Variants in XPA observed in about 807,000 individuals in gnomAD.
XPA encodes DNA repair protein complementing XP-A cells.
Under a neutral mutation model 35.7 loss-of-function variants are expected in XPA, and 27 were observed. The observed-to-expected ratio is 0.76, with a 90% CI of 0.56 to 1.04. The LOEUF (loss-of-function observed/expected upper bound fraction) is 1.04. Ranked by LOEUF, XPA falls within the 50% of genes least tolerant of loss-of-function variation. The pLI is 0.00. For missense variants in XPA, 354 were observed against 342.7 expected, an observed-to-expected ratio of 1.03 and a Z score of -0.26; for synonymous variants, 133 against 118.4, an observed-to-expected ratio of 1.12 and a Z score of -0.80.
intron 5 of XPA, 85 bp from the exon 6 acceptor site, chr9:97,675,672 G>GT (rs1828340583): frequency 6.8e-7 from 1 of 1,474,700 alleles, no homozygotes; most frequent in Admixed American, 1.7e-5. Context: ...TTTCAGCCAT[G>GT]TACATGTGTG....
At chr9:97,680,083 G>A (rs1048025421) in intron 5 of XPA, among the ~76,000 whole-genome samples, 1 of 152,112 alleles carries the variant, frequency 6.6e-6, no homozygotes, top group Non-Finnish European at 1.5e-5. Context: ...ACCTGGATCC[G>A]ACAAAAAGCT....
chr9:97,692,865 A>G (rs1176966758), intron 2 of XPA, among the ~76,000 whole-genome samples: 1 of 151,902 alleles, frequency 6.6e-6, no homozygotes, highest in Non-Finnish European at 1.5e-5. Flanking sequence ...CCACCCCCCA[A>G]CCCCACCCTG....
chr9:97,691,804 A>G (rs1828896882), intron 2 of XPA, among the ~76,000 whole-genome samples: 1 of 150,070 alleles, frequency 6.7e-6, no homozygotes, highest in African/African-American at 2.4e-5. Flanking sequence ...AATCGCTTGA[A>G]CCCAGGAGGT....
At chr9:97,663,176 A>T in the XPA span, 1 of 686,524 alleles carries the variant, frequency 1.5e-6, no homozygotes, top group Non-Finnish European at 2.5e-6. Context: ...TTTTAGATCT[A>T]ATTCTTTCAG....
the XPA span, among the ~76,000 whole-genome samples, chr9:97,661,864 G>A: frequency 2.0e-5 from 3 of 149,708 alleles, no homozygotes; most frequent in African/African-American, 7.4e-5. Flanking sequence ...AATTACAAGT[G>A]GTTTCATATT....
chr9:97,688,334 C>T (rs1828782366), intron 3 of XPA, among the ~76,000 whole-genome samples: 1 of 152,152 alleles, frequency 6.6e-6, no homozygotes, highest in Admixed American at 6.5e-5. Context: ...TTGCATCACT[C>T]ACTTCTTCAC....
intron 3 of XPA, among the ~76,000 whole-genome samples, chr9:97,687,890 A>G (rs1828771047): frequency 1.3e-5 from 2 of 152,200 alleles, no homozygotes; most frequent in Non-Finnish European, 2.9e-5. Context: ...GAGTGGAGAC[A>G]TAGCCAGCGA....
At chr9:97,662,959 A>G in the XPA span, 1 of 1,610,288 alleles carries the variant, frequency 6.2e-7, no homozygotes, top group Non-Finnish European at 8.5e-7. Context: ...AAAAGGTTTC[A>G]TGAAGTCTTC....
intron 1 of XPA, among the ~76,000 whole-genome samples, chr9:97,695,086 CCGA>C (rs1829002113): frequency 6.6e-6 from 1 of 152,130 alleles, no homozygotes; most frequent in Admixed American, 6.5e-5. Context: ...AGAGTGGACA[CCGA>C]CTAGGAAGGC....
intron 4 of XPA, among the ~76,000 whole-genome samples, chr9:97,685,485 C>T (rs1258451107): frequency 6.6e-6 from 1 of 152,136 alleles, no homozygotes; most frequent in Non-Finnish European, 1.5e-5. Context: ...TTGTCTCTAT[C>T]GACTTGACTT....
At chr9:97,658,517 T>A in the XPA span, 2 of 723,912 alleles carry the variant, frequency 2.8e-6, no homozygotes, top group South Asian at 3.4e-5. Context: ...TTTTTTCCCT[T>A]TCACTTCTTG....
chr9:97,697,134 A>C lies in XPA; in HGVS notation c.159T>G (p.Ala53=). The C allele has an allele frequency of 6.4e-7, 1 of 1,553,328 alleles. No individual in the cohort carries two copies. Among genetic ancestry groups the C allele is most frequent in the Non-Finnish European group, 8.7e-7 (1 of 1,152,014 alleles). ...CGCGGCCCAAACCTCCAGTAGCCGC[A>C]GCCGCCGTCGCCGAGTAGGGCCGGG... ...LAARPYSATA[A]AATGGMANVK... The change falls in exon 1 of 6, where the codon GCT becomes GCG. Residue 53 remains alanine (A), a synonymous_variant. Coordinates refer to ENST00000375128, the MANE Select transcript of XPA (RefSeq NM_000380.4).
At chr9:97,655,014 A>G in the XPA span, 1 of 1,264,660 alleles carries the variant, frequency 7.9e-7, no homozygotes, top group Non-Finnish European at 1.1e-6. Context: ...AAGGAATTTG[A>G]GAAAGACATT....
the XPA span, chr9:97,666,783 T>C: frequency 3.1e-6 from 5 of 1,602,948 alleles, no homozygotes; most frequent in Non-Finnish European, 3.4e-6. Flanking sequence ...TGGGAAATTT[T>C]GCACTCTACA....
the XPA span, among the ~76,000 whole-genome samples, chr9:97,661,620 T>G: frequency 6.6e-6 from 1 of 152,120 alleles, no homozygotes; most frequent in Non-Finnish European, 1.5e-5. Flanking sequence ...TGTTTGGATA[T>G]CTCTAAGAAA....
chr9:97,668,695 T>C, the XPA span: 7 of 739,068 alleles, frequency 9.5e-6, no homozygotes, highest in Admixed American at 2.1e-4. Flanking sequence ...CTTTGAGGTA[T>C]ATATGTGTGG....
Position 97,679,908 on chromosome 9 carries a change from C to T in XPA, c.674-4321G>A, listed in dbSNP as rs2401636. On this transcript the variant is annotated intron_variant, in intron 5 of 5. Transcript: ENST00000375128. The stretch of plus-strand genomic sequence containing the variant: ...TGAAAGTATTCCTACCAAAAACATT[C>T]GACCTGAGTCTAACTGAGGAAACAA... Among the ~76,000 whole-genome samples, 1,502 of 152,236 alleles carry T rather than the reference C, an allele frequency of 9.9e-3. 11 individuals are homozygous for T. Among genetic ancestry groups the T allele is most frequent in the Non-Finnish European group, 0.015 (1,041 of 68,006 alleles).
At chr9:97,693,818 G>C in intron 1 of XPA, 59 bp from the exon 2 acceptor site, 1 of 1,480,642 alleles carries the variant, frequency 6.8e-7, no homozygotes, top group Non-Finnish European at 9.4e-7. Flanking sequence ...ATGTTACCTT[G>C]TTCATAAATA....
chr9:97,673,358 A>G (rs761778277), downstream of XPA: 5 of 152,182 alleles, frequency 3.3e-5, no homozygotes, highest in African/African-American at 1.2e-4. Context: ...CCTTTAAGGG[A>G]TTGGTAACTT....
Sources: allele counts gnomAD v4.1 joint callset (sites outside exome capture counted in the v4.1 genomes callset), GRCh38; gene constraint gnomAD v4.1.1; transcripts MANE v1.5; gene names NCBI Gene and HGNC (gene_info 2026-07-23, HGNC 2026-07-21).